Variants in TMEM233 observed in about 807,000 individuals in gnomAD.
The protein encoded by TMEM233 is dispanin subfamily B member 2.
A neutral mutation model predicts 11.2 loss-of-function variants in TMEM233; 6 were observed. The observed-to-expected ratio is 0.54, with a 90% CI of 0.29 to 1.06. TMEM233 has a LOEUF of 1.06. Among genes scored for constraint, TMEM233 ranks in the 50% least tolerant of loss-of-function variants. The pLI, the probability that TMEM233 is intolerant of heterozygous loss-of-function variation, is 0.08. For synonymous variants in TMEM233, 59 were observed against 55.8 expected (o/e 1.06, Z -0.26); for missense variants, 127 against 144.7 (o/e 0.88, Z 0.63).
chr12:119,640,852 AC>A lies in TMEM233; in HGVS notation c.*148del. 1.7e-6 allele frequency: 1 copy of A among 575,380 alleles called. No individual in the cohort carries two copies. Among genetic ancestry groups the A allele is most frequent in the South Asian group, 7.2e-5 (1 of 13,850 alleles). 35.6% of individuals were successfully genotyped at this position (575,380 alleles called of 1,614,324 possible). ...CCAGAGGCAGGTCCCTGGCAAATGA[AC>A]AAGAAAAAAAAAAAAAAAAAGTCCA... On this transcript the variant is annotated 3_prime_UTR_variant, in exon 3 of 3. Transcript: ENST00000426426.
At position 119,595,423 on chromosome 12, in the gene TMEM233, C is replaced by T. The variant is rs2136661494; in HGVS notation, c.186+1389C>T. ...ATTCGATTCGTGGGCACCTGCAAGG[C>T]TCCATTTGCACCCGTAACTTGCCCT... On this transcript the variant is annotated intron_variant, in intron 1 of 2. Coordinates refer to ENST00000426426, the MANE Select transcript of TMEM233 (RefSeq NM_001136534.3). The surrounding 1 kb of genome is among the most constrained non-coding windows in gnomAD (Gnocchi z 4.3). 6.6e-6 allele frequency among the ~76,000 whole-genome samples: 1 copy of T among 152,368 alleles called. No individual in the cohort carries two copies. Among genetic ancestry groups the T allele is most frequent in the African/African-American group, 2.4e-5 (1 of 41,590 alleles).
chr12:119,597,597 A>G (rs912360524), intron 1 of TMEM233, among the ~76,000 whole-genome samples: 9 of 152,218 alleles, frequency 5.9e-5, no homozygotes, highest in Admixed American at 3.3e-4. Flanking sequence ...CTTTGGAAAA[A>G]TACACATTCA....
intron 2 of TMEM233, among the ~76,000 whole-genome samples, chr12:119,638,306 A>T (rs990917469): frequency 6.6e-6 from 1 of 152,030 alleles, no homozygotes; most frequent in Non-Finnish European, 1.5e-5. Flanking sequence ...CTAAAAATTT[A>T]AAAAAATATA....
intron 1 of TMEM233, among the ~76,000 whole-genome samples, chr12:119,607,087 G>A (rs756432172): frequency 7.9e-5 from 12 of 152,136 alleles, no homozygotes; most frequent in East Asian, 1.9e-4. Flanking sequence ...AAGCATGAAC[G>A]TGCATGGGGG....
chr12:119,622,855 A>T (rs1954670399), intron 1 of TMEM233, among the ~76,000 whole-genome samples: 1 of 152,180 alleles, frequency 6.6e-6, no homozygotes, highest in Non-Finnish European at 1.5e-5. Flanking sequence ...CACACTTAAT[A>T]CTGAAAGAGG....
chr12:119,648,570 A>G, the TMEM233 span, among the ~76,000 whole-genome samples: 1 of 152,230 alleles, frequency 6.6e-6, no homozygotes, highest in Non-Finnish European at 1.5e-5. Flanking sequence ...GTTTCACTCA[A>G]GGTCATATCA....
rs972842876 is a variant in TMEM233 at position 119,595,587 on chromosome 12, C to T, written c.186+1553C>T. Among the ~76,000 whole-genome samples, 4 of 152,202 alleles carry T rather than the reference C, an allele frequency of 2.6e-5. No homozygotes were observed. Among genetic ancestry groups the T allele is most frequent in the Non-Finnish European group, 5.9e-5 (4 of 68,038 alleles). Reference sequence around the variant, plus strand: ...CTCTGAAGTCACTGCATCTCTGAACCTCAGTCTCTTTGTAAAACCAGAATA... The same window carrying T: ...CTCTGAAGTCACTGCATCTCTGAACTTCAGTCTCTTTGTAAAACCAGAATA... On this transcript the variant is annotated intron_variant, in intron 1 of 2. Coordinates refer to ENST00000426426, the MANE Select transcript of TMEM233 (RefSeq NM_001136534.3). This position sits in a 1 kb window ranked among gnomAD's most constrained non-coding sequence, Gnocchi z 4.3.
downstream of TMEM233, among the ~76,000 whole-genome samples, chr12:119,645,082 C>T (rs550184166): frequency 6.6e-6 from 1 of 152,264 alleles, no homozygotes; most frequent in African/African-American, 2.4e-5. Flanking sequence ...TACCATTCTT[C>T]GCAGTGCTGA....
intron 1 of TMEM233, among the ~76,000 whole-genome samples, chr12:119,621,264 T>A (rs1175092495): frequency 1.3e-5 from 2 of 152,218 alleles, no homozygotes; most frequent in Non-Finnish European, 2.9e-5. Context: ...GGTCTTGAAC[T>A]CCTGGACTCA....
At chr12:119,640,573 G>C in intron 2 of TMEM233, 126 bp from the exon 3 acceptor site, 1 of 1,032,960 alleles carries the variant, frequency 9.7e-7, no homozygotes, top group Non-Finnish European at 1.5e-6. Context: ...ACGCAGGCTG[G>C]TACATTTCAA....
In TMEM233 at chr12:119,641,078, A is replaced by G. The variant is rs1225690395; in HGVS notation, c.*373A>G. 4 of 223,934 alleles carry G rather than the reference A, an allele frequency of 1.8e-5. No homozygotes were observed. The highest frequency in any genetic ancestry group is 3.5e-5 in the Non-Finnish European group (4 of 114,430). 13.9% of individuals were successfully genotyped at this position (223,934 alleles called of 1,614,324 possible). A position where few individuals can be genotyped will look rare whatever the true frequency, so the allele number is the denominator to read the frequency against. The stretch of plus-strand genomic sequence containing the variant: ...GAGGGGATCCAGGGGGTCTCCATAT[A>G]GGGGGAGATGGAGGTTTCTAGGAAG... On this transcript the variant is annotated 3_prime_UTR_variant, in exon 3 of 3. Coordinates refer to ENST00000426426, the MANE Select transcript of TMEM233 (RefSeq NM_001136534.3).
rs1955087953 is a variant in TMEM233 at position 119,641,893 on chromosome 12, A to G, written c.*1188A>G. On this transcript the variant is annotated 3_prime_UTR_variant, in exon 3 of 3. Transcript: ENST00000426426. ...GACACTATGGCTCTTTTCCCTTTTTAGCAAAGAAAGAGCAGGCCTCAGAGT... is the reference window on the plus strand; with the variant it reads ...GACACTATGGCTCTTTTCCCTTTTTGGCAAAGAAAGAGCAGGCCTCAGAGT... 6.6e-6 allele frequency: 1 copy of G among 152,126 alleles called. No individual in the cohort carries two copies. The highest frequency in any genetic ancestry group is 1.5e-5 in the Non-Finnish European group (1 of 68,026). The allele number at this position is 152,126 out of a possible 1,614,324, so 9.4% of individuals were successfully genotyped here.
At chr12:119,626,488 A>AAGG (rs1954761166) in intron 1 of TMEM233, among the ~76,000 whole-genome samples, 1 of 123,708 alleles carries the variant, frequency 8.1e-6, no homozygotes, top group Non-Finnish European at 1.7e-5. Flanking sequence ...AAAAAAAAAG[A>AAGG]AGAAAAAGGA....
intron 1 of TMEM233, among the ~76,000 whole-genome samples, chr12:119,618,475 C>A (rs2136730720): frequency 6.6e-6 from 1 of 152,296 alleles, no homozygotes; most frequent in East Asian, 1.9e-4. Context: ...GCACTCAATG[C>A]CAGCCTGTGA....
downstream of TMEM233, among the ~76,000 whole-genome samples, chr12:119,647,532 C>T (rs781368735): frequency 6.6e-5 from 10 of 152,108 alleles, no homozygotes; most frequent in Admixed American, 3.3e-4. Context: ...CTAGTGCCAG[C>T]GAGTCTGTTC....
chr12:119,624,929 G>A (rs779951269), intron 1 of TMEM233, among the ~76,000 whole-genome samples: 2 of 152,148 alleles, frequency 1.3e-5, no homozygotes, highest in Non-Finnish European at 2.9e-5. Flanking sequence ...CTCCATGATA[G>A]AGCCTGGTTC....
intron 1 of TMEM233, among the ~76,000 whole-genome samples, chr12:119,609,930 G>T (rs1954362054): frequency 6.6e-6 from 1 of 152,182 alleles, no homozygotes; most frequent in Non-Finnish European, 1.5e-5. Flanking sequence ...TGAGAAGAGG[G>T]CCACCATCCT....
intron 1 of TMEM233, among the ~76,000 whole-genome samples, chr12:119,608,663 AG>A (rs1417545180): frequency 6.6e-6 from 1 of 152,164 alleles, no homozygotes; most frequent in Non-Finnish European, 1.5e-5. Context: ...AATTCAGATG[AG>A]GGGGAAGAGC....
downstream of TMEM233, among the ~76,000 whole-genome samples, chr12:119,643,778 A>T (rs1183416928): frequency 6.6e-6 from 1 of 152,130 alleles, no homozygotes; most frequent in Non-Finnish European, 1.5e-5. Context: ...AAAAAAAAAA[A>T]AAAGGTGTAT....
Sources: allele counts gnomAD v4.1 joint callset (sites outside exome capture counted in the v4.1 genomes callset), GRCh38; gene constraint gnomAD v4.1.1; non-coding constraint Gnocchi (gnomAD v3.1); transcripts MANE v1.5; gene names NCBI Gene and HGNC (gene_info 2026-07-23, HGNC 2026-07-21).